BTBD7: variants seen among roughly 807,000 people sequenced by gnomAD.
BTBD7 encodes BTB domain containing 7, also known as BTB/POZ domain-containing protein 7.
In BTBD7, 38 loss-of-function variants were observed where a neutral mutation model predicts 99.9. That is an observed-to-expected ratio of 0.38 (90% confidence interval 0.29 to 0.50). The LOEUF (loss-of-function observed/expected upper bound fraction) is 0.50. Among genes scored for constraint, BTBD7 ranks in the 20% least tolerant of loss-of-function variants. The pLI, the probability that BTBD7 is intolerant of heterozygous loss-of-function variation, is 0.93. For synonymous variants in BTBD7, 520 were observed against 511.4 expected, an observed-to-expected ratio of 1.02 and a Z score of -0.23; for missense variants, 1,170 against 1,394.6, an observed-to-expected ratio of 0.84 and a Z score of 2.57.
chr14:93,322,001 A>C (rs11621666), intron 1 of BTBD7, among the ~76,000 whole-genome samples: 2,129 of 152,342 alleles, frequency 0.014, 23 homozygotes, highest in Middle Eastern at 0.034. Flanking sequence ...GAAGGAAATA[A>C]AAGTATTTCT....
chr14:93,244,111 GC>G, intron 10 of BTBD7: 1 of 486,824 alleles, frequency 2.1e-6, no homozygotes, highest in South Asian at 1.5e-5. Flanking sequence ...TTCTCTGTAT[GC>G]CCAGGGAAAG....
intron 1 of BTBD7, among the ~76,000 whole-genome samples, chr14:93,331,888 C>A (rs950822019): frequency 1.4e-5 from 2 of 148,008 alleles, no homozygotes; most frequent in East Asian, 2.0e-4. Flanking sequence ...CTCCCCCCCC[C>A]CAAAAAGGTT....
At chr14:93,326,177 T>C (rs183460067) in intron 1 of BTBD7, among the ~76,000 whole-genome samples, 2 of 152,322 alleles carry the variant, frequency 1.3e-5, no homozygotes, top group African/African-American at 4.8e-5. Flanking sequence ...TCGTTGAAAT[T>C]ATGCCTCAGC....
chr14:93,310,241 C>A (rs570737736), intron 1 of BTBD7, among the ~76,000 whole-genome samples: 3 of 152,326 alleles, frequency 2.0e-5, no homozygotes, highest in South Asian at 2.1e-4. Context: ...TGTAAAGCAA[C>A]TACAGACTAT....
At chr14:93,326,568 G>A (rs1303608425) in intron 1 of BTBD7, among the ~76,000 whole-genome samples, 1 of 152,144 alleles carries the variant, frequency 6.6e-6, no homozygotes, top group Admixed American at 6.5e-5. Flanking sequence ...TTGGGAGGCT[G>A]AGGCGGGTGG....
Position 93,317,185 on chromosome 14 carries a change from A to G in BTBD7, c.-107+15635T>C, listed in dbSNP as rs572702512. 5.9e-5 allele frequency among the ~76,000 whole-genome samples: 9 copies of G among 152,188 alleles called. No homozygotes were observed. The East Asian group carries it at 1.7e-3, about 29-fold the overall frequency. ...CACACCCAACTAATTTTTTATTTTT[A>G]GTAGAGATGGGGCTTCACTATGTTG... On this transcript the variant is annotated intron_variant, in intron 1 of 10. Coordinates refer to ENST00000334746, the MANE Select transcript of BTBD7 (RefSeq NM_001002860.4).
chr14:93,298,722 C>A (rs1229078868), intron 1 of BTBD7, among the ~76,000 whole-genome samples: 1 of 151,904 alleles, frequency 6.6e-6, no homozygotes, highest in East Asian at 1.9e-4. Flanking sequence ...GGGAAGAACA[C>A]CAAGAAAAAA....
rs144596153 is a variant in BTBD7 at position 93,283,356 on chromosome 14, G to A, written c.1162+10502C>T. ...GCCTCCCAAAGTGTTGGGATTACAA[G>A]TGTGAGCCACCATCCCCAGCCAAAT... On this transcript the variant is annotated intron_variant, in intron 3 of 10. Transcript: ENST00000334746. Among the ~76,000 whole-genome samples, 105 of 152,294 alleles carry A rather than the reference G, an allele frequency of 6.9e-4. 1 individual carries two copies. The highest frequency in any genetic ancestry group is 1.3e-3 in the Non-Finnish European group (86 of 68,038).
At chr14:93,270,739 G>T (rs2052592971) in intron 3 of BTBD7, among the ~76,000 whole-genome samples, 1 of 150,196 alleles carries the variant, frequency 6.7e-6, no homozygotes, top group African/African-American at 2.4e-5. Context: ...CCTGGTAACA[G>T]AAAAATTCCA....
intron 7 of BTBD7, 48 bp from the exon 8 acceptor site, chr14:93,251,700 T>A: frequency 7.1e-7 from 1 of 1,410,430 alleles, no homozygotes; most frequent in Non-Finnish European, 9.5e-7. Flanking sequence ...CTTCCTCTGT[T>A]AAATCACATT....
At chr14:93,329,669 A>G (rs1173168403) in intron 1 of BTBD7, among the ~76,000 whole-genome samples, 1 of 152,262 alleles carries the variant, frequency 6.6e-6, no homozygotes, top group Non-Finnish European at 1.5e-5. Context: ...TGATGACATT[A>G]TACTAAGTGA....
intron 3 of BTBD7, chr14:93,288,130 C>T: frequency 5.1e-6 from 1 of 195,982 alleles, no homozygotes; most frequent in Non-Finnish European, 1.0e-5. Context: ...CTCCCTGCAA[C>T]ATTTTAAAAT....
At chr14:93,268,885 A>G (rs931084048) in intron 3 of BTBD7, among the ~76,000 whole-genome samples, 1 of 151,386 alleles carries the variant, frequency 6.6e-6, no homozygotes, top group Non-Finnish European at 1.5e-5. Flanking sequence ...CAGCCTCCTG[A>G]GTAGCTGGGA....
chr14:93,318,045 A>T (rs746957089), intron 1 of BTBD7, among the ~76,000 whole-genome samples: 28 of 151,686 alleles, frequency 1.8e-4, no homozygotes, highest in Admixed American at 3.3e-4. Context: ...TTCGCTTTGT[A>T]TTTTTTTTGC....
intron 1 of BTBD7, among the ~76,000 whole-genome samples, chr14:93,319,118 A>C (rs2053240896): frequency 6.6e-6 from 1 of 152,230 alleles, no homozygotes; most frequent in Non-Finnish European, 1.5e-5. Context: ...GAGATGAGGG[A>C]TCACTTGAGT....
intron 1 of BTBD7, among the ~76,000 whole-genome samples, chr14:93,300,704 TTGTGTGTGTGTGTGTGTGTG>T (rs57228905): frequency 0.041 from 3,536 of 87,010 alleles, 196 homozygotes; most frequent in Middle Eastern, 0.051. Flanking sequence ...CCCAGCTAAT[TTGTGTGTGTGTGTGTGTGTG>T]TGTGTGTGTG....
chr14:93,316,221 C>A (rs1176082944), intron 1 of BTBD7, among the ~76,000 whole-genome samples: 1 of 150,926 alleles, frequency 6.6e-6, no homozygotes, highest in Admixed American at 6.6e-5. Flanking sequence ...CCCCAAAGTG[C>A]TAGGATTACA....
chr14:93,308,321 T>C (rs1875346660), intron 1 of BTBD7, among the ~76,000 whole-genome samples: 1 of 149,896 alleles, frequency 6.7e-6, no homozygotes, highest in African/African-American at 2.5e-5. Context: ...AAAAGAAAAT[T>C]GGATTAGTAC....
intron 3 of BTBD7, among the ~76,000 whole-genome samples, chr14:93,274,987 A>C (rs2052639630): frequency 6.6e-6 from 1 of 152,208 alleles, no homozygotes; most frequent in African/African-American, 2.4e-5. Context: ...GATTTCAAGA[A>C]GCTAACAATG....
Sources: allele counts gnomAD v4.1 joint callset (sites outside exome capture counted in the v4.1 genomes callset), GRCh38; gene constraint gnomAD v4.1.1; transcripts MANE v1.5; gene names NCBI Gene and HGNC (gene_info 2026-07-23, HGNC 2026-07-21).